The following PLXNA2 variants were observed in gnomAD, a reference collection of about 807,000 sequenced individuals.
PLXNA2 encodes plexin-A2.
Under a neutral mutation model 193.5 loss-of-function variants are expected in PLXNA2, and 91 were observed. That is an observed-to-expected ratio of 0.47 (90% CI 0.40 to 0.56). The LOEUF (loss-of-function observed/expected upper bound fraction) is 0.56, where lower values mean the gene tolerates loss of function less well. Ranked by LOEUF, PLXNA2 falls within the 20% of genes least tolerant of loss-of-function variation. The probability of loss-of-function intolerance (pLI) is 0.00; values close to 1 mark genes in which losing one functional copy is unlikely to be tolerated. For missense variants in PLXNA2, 1,995 were observed against 2,503.2 expected, an observed-to-expected ratio of 0.80 and a Z score of 4.33; for synonymous variants, 997 against 1,027.3, an observed-to-expected ratio of 0.97 and a Z score of 0.56.
At chr1:208,159,302 A>C (rs1669032116) in intron 3 of PLXNA2, among the ~76,000 whole-genome samples, 1 of 152,114 alleles carries the variant, frequency 6.6e-6, no homozygotes, top group Non-Finnish European at 1.5e-5. Flanking sequence ...TGTTTCTATC[A>C]CCTAATTTTT....
chr1:208,124,964 G>A (rs989412166), intron 4 of PLXNA2, among the ~76,000 whole-genome samples: 4 of 152,056 alleles, frequency 2.6e-5, no homozygotes, highest in Non-Finnish European at 5.9e-5. Flanking sequence ...CATGACATTC[G>A]GGTATAAACA....
At chr1:208,134,342 C>T (rs1367572756) in intron 4 of PLXNA2, among the ~76,000 whole-genome samples, 1 of 152,144 alleles carries the variant, frequency 6.6e-6, no homozygotes, top group Non-Finnish European at 1.5e-5. Flanking sequence ...AAAATCAAAA[C>T]CCGGGTTTGA....
At chr1:208,031,000 C>T (rs1664484990) in intron 29 of PLXNA2, 6 of 987,786 alleles carry the variant, frequency 6.1e-6, no homozygotes, top group Admixed American at 5.9e-5. Context: ...CTGCCTGCTG[C>T]TTCCTGAAAG....
intron 3 of PLXNA2, among the ~76,000 whole-genome samples, chr1:208,170,837 T>TA (rs1170023369): frequency 2.0e-5 from 3 of 151,930 alleles, no homozygotes; most frequent in African/African-American, 4.8e-5. Context: ...AGAAATAAAA[T>TA]AAATAAAATA....
intron 3 of PLXNA2, among the ~76,000 whole-genome samples, chr1:208,204,523 C>T (rs1414178065): frequency 3.9e-5 from 6 of 152,202 alleles, no homozygotes; most frequent in Non-Finnish European, 5.9e-5. Context: ...CCACGCCAAC[C>T]CTCCTCCTCC....
intron 8 of PLXNA2, among the ~76,000 whole-genome samples, chr1:208,094,633 A>G (rs1018639191): frequency 2.0e-5 from 3 of 152,152 alleles, no homozygotes; most frequent in African/African-American, 7.2e-5. Context: ...GCCATTCCCA[A>G]AGCAGGGTTT....
At position 208,044,808 on chromosome 1, in the gene PLXNA2, G is replaced by A; in HGVS notation, c.3640-66C>T. On this transcript the variant is annotated intron_variant, in intron 19 of 31. Transcript: ENST00000367033. The surrounding 1 kb of genome is among the most constrained non-coding windows in gnomAD (Gnocchi z 4.9). ...GGTGTAGAGCCCGGGCATGCCAGCA[G>A]ATCCTTACAGTGCGAGGAAGGACAT... 7.8e-7 allele frequency: 1 copy of A among 1,282,058 alleles called. No homozygotes were observed. The highest frequency in any genetic ancestry group is 1.3e-5 in the South Asian group (1 of 78,534). The allele number at this position is 1,282,058 out of a possible 1,614,324, so 79.4% of individuals were successfully genotyped here. A position where few individuals can be genotyped will look rare whatever the true frequency, so the allele number is the denominator to read the frequency against.
chr1:208,202,060 C>T (rs1670569367), intron 3 of PLXNA2, among the ~76,000 whole-genome samples: 1 of 151,760 alleles, frequency 6.6e-6, no homozygotes, highest in Non-Finnish European at 1.5e-5. Flanking sequence ...CTCACTGCAA[C>T]CTCTGCCTCC....
At chr1:208,179,331 A>C (rs1010467806) in intron 3 of PLXNA2, among the ~76,000 whole-genome samples, 3 of 152,230 alleles carry the variant, frequency 2.0e-5, no homozygotes, top group Non-Finnish European at 4.4e-5. Flanking sequence ...GTAAGGTTGC[A>C]GCTTTGGTGC....
Position 208,065,137 on chromosome 1 carries a change from G to C in PLXNA2, c.2587-4300C>G, listed in dbSNP as rs190321177. Among the ~76,000 whole-genome samples, 195 of 152,336 alleles carry C rather than the reference G, an allele frequency of 1.3e-3. 2 individuals are homozygous for C. The highest frequency in any genetic ancestry group is 4.4e-3 in the African/African-American group (183 of 41,572). ...GGGAGAGCTTGTCTCCCACAGAGGTGAGGATGAGAGGCTGCGGTGGAGTCA... is the reference window on the plus strand; with the variant it reads ...GGGAGAGCTTGTCTCCCACAGAGGTCAGGATGAGAGGCTGCGGTGGAGTCA... On this transcript the variant is annotated intron_variant, in intron 12 of 31. Coordinates refer to ENST00000367033, the MANE Select transcript of PLXNA2 (RefSeq NM_025179.4).
intron 1 of PLXNA2, among the ~76,000 whole-genome samples, chr1:208,235,025 T>A (rs1435976417): frequency 6.6e-6 from 1 of 152,208 alleles, no homozygotes; most frequent in Non-Finnish European, 1.5e-5. Context: ...CTCTGCGTTT[T>A]CTTATTCCAT....
chr1:208,033,639 T>G (rs1571843185), intron 27 of PLXNA2, 130 bp from the exon 28 acceptor site: 1 of 660,174 alleles, frequency 1.5e-6, no homozygotes, highest in Middle Eastern at 4.4e-4. Flanking sequence ...AGGGGACCGT[T>G]GGGACCTCAT....
chr1:208,208,429 C>G (rs1273226734), intron 3 of PLXNA2, among the ~76,000 whole-genome samples: 1 of 152,206 alleles, frequency 6.6e-6, no homozygotes, highest in East Asian at 1.9e-4. Context: ...GTTTCCCTGT[C>G]AAATAATGAG....
At position 208,087,990 on chromosome 1, in the gene PLXNA2, A is replaced by G. The variant is rs190561119; in HGVS notation, c.2098-3410T>C. Among the ~76,000 whole-genome samples the G allele has an allele frequency of 1.5e-3, 224 of 152,298 alleles. 3 individuals carry two copies. Among genetic ancestry groups the G allele is most frequent in the African/African-American group, 5.1e-3 (214 of 41,558 alleles). ...GAAAAAGAAAGCAAATCATCCTAAG[A>G]TGCTTTTCCTGCAGAATGTTAAGAC... On this transcript the variant is annotated intron_variant, in intron 9 of 31. Transcript: ENST00000367033.
chr1:208,236,339 C>T lies in PLXNA2; in HGVS notation c.-81+7304G>A, dbSNP rs1671850505. On this transcript the variant is annotated intron_variant, in intron 1 of 31. Coordinates refer to ENST00000367033, the MANE Select transcript of PLXNA2 (RefSeq NM_025179.4). The surrounding 1 kb of genome is among the most constrained non-coding windows in gnomAD (Gnocchi z 4.4). The stretch of plus-strand genomic sequence containing the variant: ...GTCAGAGGCCAACGTAATATTTACC[C>T]AGCCTAGCCGAGGCCTTTCACTTTT... Among the ~76,000 whole-genome samples the T allele has an allele frequency of 6.6e-6, 1 of 152,200 alleles. No homozygotes were observed. Among genetic ancestry groups the T allele is most frequent in the South Asian group, 2.1e-4 (1 of 4,824 alleles).
In PLXNA2 at chr1:208,096,872, T is replaced by C. The variant is rs778973594; in HGVS notation, c.1743A>G (p.Val581=). ...CAGATAGATCAGGAGCATCACTCAC[T>C]ACCAGGCTAAGCTGTGGGAGGAGCA... ...VSEHSRLLSL[V]VSDAPDLSAG... The change falls in exon 7 of 32, where the codon GTA becomes GTG. Residue 581 remains valine (V), a synonymous_variant. Coordinates refer to ENST00000367033, the MANE Select transcript of PLXNA2 (RefSeq NM_025179.4). 1 of 1,613,598 alleles carries C rather than the reference T, an allele frequency of 6.2e-7. No individual in the cohort carries two copies. The highest frequency in any genetic ancestry group is 1.1e-5 in the South Asian group (1 of 91,040).
chr1:208,198,793 C>T (rs1214033081), intron 3 of PLXNA2, among the ~76,000 whole-genome samples: 2 of 152,158 alleles, frequency 1.3e-5, no homozygotes, highest in African/African-American at 4.8e-5. Context: ...CAATTGAATG[C>T]TAAAAAGCTA....
At chr1:208,232,059 G>A (rs1018676158) in intron 1 of PLXNA2, among the ~76,000 whole-genome samples, 1 of 152,234 alleles carries the variant, frequency 6.6e-6, no homozygotes, top group African/African-American at 2.4e-5. Context: ...AAAGGCCTGG[G>A]GCTGGGAGCT....
intron 4 of PLXNA2, among the ~76,000 whole-genome samples, chr1:208,131,765 G>A (rs772105383): frequency 8.5e-5 from 13 of 152,120 alleles, no homozygotes; most frequent in Non-Finnish European, 1.8e-4. Context: ...CCAGACCGAC[G>A]AGCTTTGGAT....
Sources: allele counts gnomAD v4.1 joint callset (sites outside exome capture counted in the v4.1 genomes callset), GRCh38; gene constraint gnomAD v4.1.1; non-coding constraint Gnocchi (gnomAD v3.1); transcripts MANE v1.5; gene names NCBI Gene and HGNC (gene_info 2026-07-23, HGNC 2026-07-21).